The following PCDHA6 variants were observed in gnomAD, a reference collection of about 807,000 sequenced individuals.
PCDHA6 encodes the protein protocadherin alpha-6.
Under a neutral mutation model 60.3 loss-of-function variants are expected in PCDHA6, and 55 were observed. The ratio of observed to expected loss-of-function variants is 0.91; its 90% CI spans 0.73 to 1.14. The LOEUF (loss-of-function observed/expected upper bound fraction) is 1.14, where lower values mean the gene tolerates loss of function less well. Ranked by LOEUF, PCDHA6 falls within the 50% of genes most tolerant of loss-of-function variation. The probability of loss-of-function intolerance (pLI) is 0.00; values close to 1 mark genes in which losing one functional copy is unlikely to be tolerated. For missense variants in PCDHA6, 1,327 were observed against 1,256.5 expected (o/e 1.06, Z -0.85); for synonymous variants, 652 against 557.9 (o/e 1.17, Z -2.38).
At chr5:140,957,893 C>T (rs1554223179) in intron 1 of PCDHA6, among the ~76,000 whole-genome samples, 1 of 151,938 alleles carries the variant, frequency 6.6e-6, no homozygotes, top group Non-Finnish European at 1.5e-5. Flanking sequence ...AAGTTGGCAT[C>T]AACCAAGGCA....
At chr5:140,907,093 C>A (rs1303875069) in intron 1 of PCDHA6, among the ~76,000 whole-genome samples, 2 of 152,090 alleles carry the variant, frequency 1.3e-5, no homozygotes, top group Non-Finnish European at 2.9e-5. Flanking sequence ...GTAAGTGGTG[C>A]CACTTCCACT....
chr5:140,967,090 G>A (rs1320117719), intron 1 of PCDHA6: 2 of 1,613,240 alleles, frequency 1.2e-6, no homozygotes, highest in African/African-American at 2.7e-5. Context: ...TTGATCGGGA[G>A]GCGCTGTGTG....
intron 1 of PCDHA6, among the ~76,000 whole-genome samples, chr5:140,897,068 T>A (rs2153455202): frequency 6.6e-6 from 1 of 152,252 alleles, no homozygotes; most frequent in East Asian, 1.9e-4. Context: ...CTATGTCTTA[T>A]TCATTTTTTC....
chr5:140,908,834 G>A (rs915665508), intron 1 of PCDHA6, among the ~76,000 whole-genome samples: 64 of 152,226 alleles, frequency 4.2e-4, no homozygotes, highest in African/African-American at 1.4e-3. Flanking sequence ...CGATAAATGG[G>A]CTGGAGTAAC....
rs2150498276 is a variant in PCDHA6, at chr5:140,850,785, A to C, written c.2394+20300A>C. The C allele has an allele frequency of 0.62, 994,993 of 1,596,634 alleles. 342,814 individuals carry two copies. Among genetic ancestry groups the C allele is most frequent in the African/African-American group, 0.72 (53,321 of 73,960 alleles). Reference sequence around the variant, plus strand: ...GCAGAGGGTGTGCTCTGGCGAGGGTAAGCAGAAGACCGACCTCATGGCCTT... The same window carrying C: ...GCAGAGGGTGTGCTCTGGCGAGGGTCAGCAGAAGACCGACCTCATGGCCTT... On this transcript the variant is annotated intron_variant, in intron 1 of 3. Coordinates refer to ENST00000529310, the MANE Select transcript of PCDHA6 (RefSeq NM_018909.4).
chr5:140,904,082 C>T (rs1189911248), intron 1 of PCDHA6, among the ~76,000 whole-genome samples: 3 of 152,108 alleles, frequency 2.0e-5, no homozygotes, highest in African/African-American at 7.2e-5. Context: ...TATTTGGTTA[C>T]ATGAATAACT....
chr5:140,902,963 G>T (rs2069893804), intron 1 of PCDHA6, among the ~76,000 whole-genome samples: 1 of 152,180 alleles, frequency 6.6e-6, no homozygotes, highest in Non-Finnish European at 1.5e-5. Context: ...CTTGTTGGCT[G>T]ATGGGCATTT....
intron 1 of PCDHA6, among the ~76,000 whole-genome samples, chr5:140,964,379 C>T (rs2095828218): frequency 6.6e-6 from 1 of 152,130 alleles, no homozygotes; most frequent in Non-Finnish European, 1.5e-5. Flanking sequence ...AAAGGAGAGT[C>T]CTGGTTTTTC....
chr5:140,908,090 G>A (rs1198966409), intron 1 of PCDHA6, among the ~76,000 whole-genome samples: 1 of 152,200 alleles, frequency 6.6e-6, no homozygotes. Flanking sequence ...CAGGTGCACT[G>A]ATTGAAGTTC....
At chr5:140,876,555 G>A (rs782622293) in intron 1 of PCDHA6, 18 of 1,614,072 alleles carry the variant, frequency 1.1e-5, no homozygotes, top group Admixed American at 3.3e-5. Flanking sequence ...CTGTGCAAGA[G>A]GATGCTCAGG....
At chr5:140,927,104 C>CA in intron 1 of PCDHA6, 1 of 1,613,722 alleles carries the variant, frequency 6.2e-7, no homozygotes, top group Non-Finnish European at 8.5e-7. Flanking sequence ...GTGGATCTAC[C>CA]CAGCGGCAAT....
rs376660293 is a variant in PCDHA6 at position 141,011,766 on chromosome 5, A to C, written c.*1829A>C. ...ACCAATCTGACCTCTTTGAAGTTGCAGAATGCTTTGAAATTCTAATGGTAT... is the reference window on the plus strand; with the variant it reads ...ACCAATCTGACCTCTTTGAAGTTGCCGAATGCTTTGAAATTCTAATGGTAT... On this transcript the variant is annotated 3_prime_UTR_variant, in exon 4 of 4. Transcript: ENST00000529310. 2.6e-5 allele frequency: 4 copies of C among 153,796 alleles called. No homozygotes were observed. Among genetic ancestry groups the C allele is most frequent in the Non-Finnish European group, 5.9e-5 (4 of 68,044 alleles). 9.5% of individuals were successfully genotyped at this position (153,796 alleles called of 1,614,324 possible).
intron 1 of PCDHA6, chr5:140,926,589 G>A: frequency 3.4e-6 from 1 of 292,780 alleles, no homozygotes; most frequent in Non-Finnish European, 6.2e-6. Context: ...TCTCGCGCCC[G>A]GGCGGGCGGC....
At chr5:140,859,957 A>G (rs1554152871) in intron 1 of PCDHA6, 1 of 151,974 alleles carries the variant, frequency 6.6e-6, no homozygotes, top group African/African-American at 2.4e-5. Context: ...ATCAATTGTA[A>G]AAGTCTCAGG....
chr5:140,979,947 A>G (rs781881758), intron 2 of PCDHA6, among the ~76,000 whole-genome samples: 4 of 152,258 alleles, frequency 2.6e-5, no homozygotes, highest in African/African-American at 4.8e-5. Context: ...AGTTAATGTG[A>G]AATTAGTTTT....
At chr5:140,967,219 C>A (rs782211026) in intron 1 of PCDHA6, 2 of 1,613,772 alleles carry the variant, frequency 1.2e-6, no homozygotes, top group East Asian at 2.2e-5. Context: ...TCCCGCGGCC[C>A]AACTACCAGC....
At chr5:140,888,147 A>G (rs1182114974) in intron 1 of PCDHA6, among the ~76,000 whole-genome samples, 1 of 152,064 alleles carries the variant, frequency 6.6e-6, no homozygotes, top group African/African-American at 2.4e-5. Flanking sequence ...GCTGTTTTGC[A>G]TGACTGGTAA....
chr5:140,848,508 A>G, intron 1 of PCDHA6: 1 of 1,589,692 alleles, frequency 6.3e-7, no homozygotes, highest in Non-Finnish European at 8.6e-7. Flanking sequence ...GTTATACTCA[A>G]GTCGAGGAGA....
At position 140,850,009 on chromosome 5, in the gene PCDHA6, C is replaced by G. The variant is rs2150463255; in HGVS notation, c.2394+19524C>G. The G allele has an allele frequency of 3.8e-5, 61 of 1,596,962 alleles. 4 individuals carry two copies. Among genetic ancestry groups the G allele is most frequent in the Non-Finnish European group, 5.1e-5 (60 of 1,167,842 alleles). On this transcript the variant is annotated intron_variant, in intron 1 of 3. Transcript: ENST00000529310. ...CGGCGGTTGGGCGAGCGCTCGCTGT[C>G]GAGCTACGTGTCAGTGCACGCGGAG...
Sources: gnomAD v4.1 joint callset for allele counts (sites outside exome capture counted in the v4.1 genomes callset) on GRCh38, gnomAD v4.1.1 for gene constraint, MANE v1.5 for transcripts, NCBI Gene and HGNC (gene_info 2026-07-23, HGNC 2026-07-21) for gene names.